Variants in CACNB2 observed in about 807,000 individuals in gnomAD.
CACNB2 encodes the protein voltage-dependent L-type calcium channel subunit beta-2.
A neutral mutation model predicts 73.3 loss-of-function variants in CACNB2; 42 were observed. That is an observed-to-expected ratio of 0.57 (90% CI 0.45 to 0.74). The LOEUF (loss-of-function observed/expected upper bound fraction) is 0.74. Among genes scored for constraint, CACNB2 ranks in the 30% least tolerant of loss-of-function variants. The pLI, the probability that CACNB2 is intolerant of heterozygous loss-of-function variation, is 0.00. For missense variants in CACNB2, 940 were observed against 853.0 expected (o/e 1.10, Z -1.27); for synonymous variants, 348 against 310.3 (o/e 1.12, Z -1.28).
chr10:18,161,496 G>C (rs557238652), intron 2 of CACNB2, among the ~76,000 whole-genome samples: 1 of 151,802 alleles, frequency 6.6e-6, no homozygotes, highest in Admixed American at 6.6e-5. Flanking sequence ...TGAGCCAGGG[G>C]TCTTCTTTCT....
chr10:18,223,040 A>G (rs1251938888), intron 2 of CACNB2, among the ~76,000 whole-genome samples: 1 of 152,222 alleles, frequency 6.6e-6, no homozygotes, highest in Non-Finnish European at 1.5e-5. Flanking sequence ...AATGACTCAA[A>G]AATCCCATCT....
chr10:18,441,464 T>C (rs1195206648), intron 3 of CACNB2, among the ~76,000 whole-genome samples: 1 of 152,180 alleles, frequency 6.6e-6, no homozygotes, highest in Non-Finnish European at 1.5e-5. Flanking sequence ...GGTTTGTTTT[T>C]CATCAACTTT....
chr10:18,257,559 G>A (rs1229374619), intron 2 of CACNB2, among the ~76,000 whole-genome samples: 1 of 152,178 alleles, frequency 6.6e-6, no homozygotes, highest in Non-Finnish European at 1.5e-5. Flanking sequence ...GTAACCTTCT[G>A]TGCTTTTGCA....
chr10:18,425,914 G>A (rs1290839323), intron 3 of CACNB2, among the ~76,000 whole-genome samples: 2 of 152,056 alleles, frequency 1.3e-5, no homozygotes, highest in Non-Finnish European at 2.9e-5. Context: ...TGCCTGCTCA[G>A]TCATAAACCA....
At chr10:18,393,895 T>C (rs536118809) in intron 2 of CACNB2, among the ~76,000 whole-genome samples, 1 of 152,290 alleles carries the variant, frequency 6.6e-6, no homozygotes, top group East Asian at 1.9e-4. Context: ...GAATGTAAAA[T>C]GAGCCCTCGG....
intron 2 of CACNB2, among the ~76,000 whole-genome samples, chr10:18,291,363 T>C (rs1257499651): frequency 1.3e-5 from 2 of 152,204 alleles, no homozygotes; most frequent in African/African-American, 4.8e-5. Context: ...GGAATTGCAA[T>C]TGAACAGCCG....
chr10:18,291,612 A>G (rs553560856), intron 2 of CACNB2, among the ~76,000 whole-genome samples: 1 of 152,348 alleles, frequency 6.6e-6, no homozygotes, highest in African/African-American at 2.4e-5. Context: ...TGTGTCTGGC[A>G]AACCAGAGAA....
intron 2 of CACNB2, among the ~76,000 whole-genome samples, chr10:18,385,664 T>G (rs1589210154): frequency 6.7e-6 from 1 of 149,788 alleles, no homozygotes; most frequent in Non-Finnish European, 1.5e-5. Context: ...AAAAAAAATT[T>G]ATTCAAATGA....
intron 4 of CACNB2, among the ~76,000 whole-genome samples, chr10:18,499,541 C>A (rs955223252): frequency 6.8e-6 from 1 of 146,816 alleles, no homozygotes; most frequent in Admixed American, 7.1e-5. Context: ...CTTGAACCAG[C>A]GAGTCGGAGG....
chr10:18,258,542 G>A (rs540654870), intron 2 of CACNB2, among the ~76,000 whole-genome samples: 9 of 151,934 alleles, frequency 5.9e-5, no homozygotes, highest in Non-Finnish European at 1.0e-4. Context: ...ACTTCCTACC[G>A]TGGTGAAACC....
At chr10:18,485,133 C>A (rs1182732792) in intron 3 of CACNB2, among the ~76,000 whole-genome samples, 5 of 152,086 alleles carry the variant, frequency 3.3e-5, no homozygotes, top group African/African-American at 1.2e-4. Context: ...CAGAGTGAGA[C>A]CCTGTCTTAA....
intron 2 of CACNB2, among the ~76,000 whole-genome samples, chr10:18,285,109 GTCT>G (rs1345007241): frequency 6.6e-6 from 1 of 152,130 alleles, no homozygotes; most frequent in Non-Finnish European, 1.5e-5. Flanking sequence ...ATGTATGGTA[GTCT>G]TACAGATGTG....
intron 2 of CACNB2, among the ~76,000 whole-genome samples, chr10:18,265,457 C>T (rs1197265269): frequency 2.6e-5 from 4 of 152,086 alleles, no homozygotes; most frequent in Non-Finnish European, 5.9e-5. Flanking sequence ...TTGTGAAGTA[C>T]CTGTTCAAGT....
At chr10:18,393,896 G>T (rs2132471350) in intron 2 of CACNB2, among the ~76,000 whole-genome samples, 1 of 152,260 alleles carries the variant, frequency 6.6e-6, no homozygotes, top group East Asian at 1.9e-4. Context: ...AATGTAAAAT[G>T]AGCCCTCGGT....
At chr10:18,351,033 A>G (rs946443384) in intron 2 of CACNB2, among the ~76,000 whole-genome samples, 9 of 152,116 alleles carry the variant, frequency 5.9e-5, no homozygotes, top group Admixed American at 2.6e-4. Context: ...CTTTTTTCTT[A>G]TTATATGCCA....
At chr10:18,266,610 C>A (rs940883698) in intron 2 of CACNB2, among the ~76,000 whole-genome samples, 3 of 151,880 alleles carry the variant, frequency 2.0e-5, no homozygotes, top group Non-Finnish European at 2.9e-5. Flanking sequence ...GTGAGCGGGC[C>A]GGGCACGGTG....
At chr10:18,478,073 A>G (rs1051048187) in intron 3 of CACNB2, among the ~76,000 whole-genome samples, 2 of 152,146 alleles carry the variant, frequency 1.3e-5, no homozygotes, top group African/African-American at 4.8e-5. Context: ...CTGGGAATAC[A>G]GGCAGCGGCC....
At chr10:18,505,844 C>T (rs1334279420) in intron 5 of CACNB2, among the ~76,000 whole-genome samples, 4 of 152,176 alleles carry the variant, frequency 2.6e-5, no homozygotes, top group Admixed American at 2.0e-4. Flanking sequence ...CAAATTATTC[C>T]TAAATTAACC....
chr10:18,384,171 C>G (rs17611696), intron 2 of CACNB2, among the ~76,000 whole-genome samples: 3 of 152,020 alleles, frequency 2.0e-5, no homozygotes, highest in Admixed American at 2.0e-4. Context: ...CTGAGACTCC[C>G]GAAGATCAAT....
Sources: allele counts gnomAD v4.1 joint callset (sites outside exome capture counted in the v4.1 genomes callset), GRCh38; gene constraint gnomAD v4.1.1; transcripts MANE v1.5; gene names NCBI Gene and HGNC (gene_info 2026-07-23, HGNC 2026-07-21).